The following ATF7IP2 variants were observed in gnomAD, a reference collection of about 807,000 sequenced individuals.
ATF7IP2 encodes activating transcription factor 7-interacting protein 2.
Under a neutral mutation model 64.2 loss-of-function variants are expected in ATF7IP2, and 42 were observed. The observed-to-expected ratio is 0.65, with a 90% CI of 0.51 to 0.85. ATF7IP2 has a LOEUF of 0.85. Ranked by LOEUF, ATF7IP2 falls within the 40% of genes least tolerant of loss-of-function variation. ATF7IP2 has a pLI of 0.00. For synonymous variants in ATF7IP2, 308 were observed against 272.8 expected (o/e 1.13, Z -1.27); for missense variants, 933 against 784.2 (o/e 1.19, Z -2.27).
intron 7 of ATF7IP2, among the ~76,000 whole-genome samples, chr16:10,439,222 A>G (rs1239944576): frequency 6.6e-6 from 1 of 151,648 alleles, no homozygotes; most frequent in Non-Finnish European, 1.5e-5. Flanking sequence ...TAGAAGTTTG[A>G]GTTTTTTGTT....
At chr16:10,450,087 A>G (rs1387800579) in intron 8 of ATF7IP2, among the ~76,000 whole-genome samples, 1 of 152,146 alleles carries the variant, frequency 6.6e-6, no homozygotes, top group African/African-American at 2.4e-5. Flanking sequence ...TCCATTAGTC[A>G]TTCAGGAGCA....
intron 1 of ATF7IP2, among the ~76,000 whole-genome samples, chr16:10,412,368 G>T (rs1318190147): frequency 6.6e-6 from 1 of 151,964 alleles, no homozygotes; most frequent in Non-Finnish European, 1.5e-5. Flanking sequence ...AGTTTTATAG[G>T]TTGTATCTCT....
intron 1 of ATF7IP2, among the ~76,000 whole-genome samples, chr16:10,407,726 T>A (rs1423514427): frequency 6.6e-6 from 1 of 152,162 alleles, no homozygotes; most frequent in African/African-American, 2.4e-5. Context: ...TGTGAGATTT[T>A]GGTGCACCCA....
At chr16:10,421,901 A>G (rs1199455260) in intron 3 of ATF7IP2, among the ~76,000 whole-genome samples, 1 of 152,256 alleles carries the variant, frequency 6.6e-6, no homozygotes, top group Non-Finnish European at 1.5e-5. Context: ...AGCCATTCAC[A>G]GTCTTGCTCA....
chr16:10,420,791 C>G (rs550045721), intron 3 of ATF7IP2, among the ~76,000 whole-genome samples: 3 of 152,178 alleles, frequency 2.0e-5, no homozygotes, highest in Non-Finnish European at 2.9e-5. Flanking sequence ...ATAGGCATAT[C>G]GAAGGCAGTC....
In ATF7IP2 at chr16:10,457,426, C is replaced by G. The variant is rs138588090; in HGVS notation, c.1249C>G (p.Pro417Ala). Reference protein sequence around the residue: ...LDKNLESVNSPIEKSSVNYEP... With the variant: ...LDKNLESVNSAIEKSSVNYEP... ...TAAGAATCTTGAGTCAGTTAATAGT[C>G]CAATTGAAAAGTCTTCTGTGAATTA... Residue 417 changes from proline to alanine, a missense_variant, in exon 9 of 14, where the codon CCA (proline) becomes GCA (alanine). By Grantham distance (27) the Pro-to-Ala change is conservative. Transcript: ENST00000562102. 5 of 1,607,362 alleles carry G rather than the reference C, an allele frequency of 3.1e-6. No individual in the cohort carries two copies. The highest frequency in any genetic ancestry group is 4.2e-6 in the Non-Finnish European group (5 of 1,177,578).
At chr16:10,386,986 C>A (rs2047215688) in intron 1 of ATF7IP2, 1 of 152,262 alleles carries the variant, frequency 6.6e-6, no homozygotes, top group South Asian at 2.1e-4. Flanking sequence ...ATGGCTTTTT[C>A]TGTTCTGAAG....
At chr16:10,413,261 A>T (rs1213691449) in intron 1 of ATF7IP2, among the ~76,000 whole-genome samples, 1 of 152,144 alleles carries the variant, frequency 6.6e-6, no homozygotes, top group Non-Finnish European at 1.5e-5. Flanking sequence ...AGGGGGAGGT[A>T]ATTGAAACAT....
intron 5 of ATF7IP2, among the ~76,000 whole-genome samples, chr16:10,432,422 T>C (rs1567454211): frequency 6.6e-6 from 1 of 152,154 alleles, no homozygotes; most frequent in Non-Finnish European, 1.5e-5. Context: ...TCCTTAAAAA[T>C]AATAACAGTA....
chr16:10,476,914 G>C (rs2050030448), intron 12 of ATF7IP2, among the ~76,000 whole-genome samples: 1 of 151,998 alleles, frequency 6.6e-6, no homozygotes, highest in Non-Finnish European at 1.5e-5. Flanking sequence ...ATGGGCTTTT[G>C]GGTTGATTCC....
chr16:10,390,582 G>A lies in ATF7IP2; in HGVS notation c.-242+4460G>A, dbSNP rs186443344. 7.2e-5 allele frequency among the ~76,000 whole-genome samples: 11 copies of A among 152,246 alleles called. No individual in the cohort carries two copies. The East Asian group carries it at 1.4e-3, about 19-fold the overall frequency. Reference sequence around the variant, plus strand: ...GGATAACTTGAGGTCAGGAGTTTGAGACCCACCTGGGTAACATTACACAGG... The same window carrying A: ...GGATAACTTGAGGTCAGGAGTTTGAAACCCACCTGGGTAACATTACACAGG... On this transcript the variant is annotated intron_variant, in intron 1 of 13. Transcript: ENST00000562102.
At chr16:10,449,138 G>A (rs149076712) in intron 8 of ATF7IP2, 1 of 152,162 alleles carries the variant, frequency 6.6e-6, no homozygotes, top group Non-Finnish European at 1.5e-5. Flanking sequence ...TGTTGAACCA[G>A]CCCTGCATCC....
At chr16:10,434,986 T>A (rs988746716) in intron 6 of ATF7IP2, among the ~76,000 whole-genome samples, 2 of 152,178 alleles carry the variant, frequency 1.3e-5, no homozygotes, top group Non-Finnish European at 2.9e-5. Context: ...GCCAGGCTGG[T>A]CTTGAACAGC....
chr16:10,470,776 C>T (rs749701781), intron 9 of ATF7IP2, among the ~76,000 whole-genome samples: 1 of 150,116 alleles, frequency 6.7e-6, no homozygotes, highest in Non-Finnish European at 1.5e-5. Context: ...GAGCACGAGT[C>T]TGTCTCTTAA....
chr16:10,433,789 G>A, intron 6 of ATF7IP2, 140 bp downstream of exon 6: 1 of 864,122 alleles, frequency 1.2e-6, no homozygotes, highest in Non-Finnish European at 1.8e-6. Flanking sequence ...CAAATTATCA[G>A]ACAGACTGGG....
chr16:10,471,174 A>T (rs998512814), intron 9 of ATF7IP2, among the ~76,000 whole-genome samples: 1 of 152,064 alleles, frequency 6.6e-6, no homozygotes, highest in African/African-American at 2.4e-5. Context: ...ACAAAAATTA[A>T]CTCAAAATGG....
chr16:10,447,329 C>G (rs2048842850), intron 8 of ATF7IP2: 1 of 152,186 alleles, frequency 6.6e-6, no homozygotes, highest in Non-Finnish European at 1.5e-5. Flanking sequence ...GGGTCTCAGT[C>G]TCCAGCCTTT....
At chr16:10,471,972 C>T (rs1354941897) in intron 9 of ATF7IP2, 138 bp from the exon 10 acceptor site, 2 of 446,760 alleles carry the variant, frequency 4.5e-6, no homozygotes, top group East Asian at 3.5e-5. Context: ...TTGGTTTTAT[C>T]ATTTCTATTT....
chr16:10,471,450 C>G (rs1184104061), intron 9 of ATF7IP2, among the ~76,000 whole-genome samples: 1 of 152,062 alleles, frequency 6.6e-6, no homozygotes, highest in African/African-American at 2.4e-5. Flanking sequence ...ATCGCTTGAA[C>G]CTGGGAGACA....
Sources: allele counts gnomAD v4.1 joint callset (sites outside exome capture counted in the v4.1 genomes callset), GRCh38; gene constraint gnomAD v4.1.1; transcripts MANE v1.5; gene names NCBI Gene and HGNC (gene_info 2026-07-23, HGNC 2026-07-21).